The following NFIB variants were observed in gnomAD, a reference collection of about 807,000 sequenced individuals.
The protein encoded by NFIB is nuclear factor I B.
In NFIB, 11 loss-of-function variants were observed where a neutral mutation model predicts 61.5. That is an observed-to-expected ratio of 0.18 (90% CI 0.11 to 0.30). The LOEUF (loss-of-function observed/expected upper bound fraction) is 0.30, where lower values mean the gene tolerates loss of function less well. NFIB is among the 10% of genes least tolerant of loss of function. NFIB has a pLI of 1.00. For synonymous variants in NFIB, 260 were observed against 216.5 expected (o/e 1.20, Z -1.76); for missense variants, 471 against 608.9 (o/e 0.77, Z 2.38).
At chr9:14,235,865 T>A (rs1048939667) in intron 2 of NFIB, among the ~76,000 whole-genome samples, 2 of 152,138 alleles carry the variant, frequency 1.3e-5, no homozygotes, top group African/African-American at 4.8e-5. Flanking sequence ...GGCTTGAACT[T>A]TAACTATGAA....
Position 14,155,583 on chromosome 9 carries a change from C to T in NFIB, c.685+242G>A, listed in dbSNP as rs553088727. Among the ~76,000 whole-genome samples, 3 of 152,072 alleles carry T rather than the reference C, an allele frequency of 2.0e-5. No individual in the cohort carries two copies. In the East Asian group the frequency reaches 5.8e-4, roughly 29 times the overall value. On this transcript the variant is annotated intron_variant, in intron 4 of 10. Transcript: ENST00000380953. ...CAGAGAACAGTGAATTAAATGAATA[C>T]CAATAACATGGCAATCAGAAAAACC... is the stretch of plus-strand genomic sequence containing the variant.
chr9:14,397,527 A>AT (rs139804669), intron 1 of NFIB, among the ~76,000 whole-genome samples: 3,525 of 152,276 alleles, frequency 0.023, 111 homozygotes, highest in African/African-American at 0.08. Context: ...GTATCCCTTT[A>AT]TCCCCCCCAA....
intron 10 of NFIB, among the ~76,000 whole-genome samples, chr9:14,097,345 A>C (rs578220092): frequency 6.6e-6 from 1 of 152,262 alleles, no homozygotes; most frequent in Admixed American, 6.5e-5. Flanking sequence ...TGGTGTATAA[A>C]AAGTTGAGGA....
At chr9:14,099,549 G>A (rs2035401916) in intron 10 of NFIB, among the ~76,000 whole-genome samples, 1 of 152,156 alleles carries the variant, frequency 6.6e-6, no homozygotes, top group South Asian at 2.1e-4. Flanking sequence ...TATGAACTCT[G>A]TTGTGTCCAT....
chr9:14,188,264 G>C (rs1026990215), intron 2 of NFIB, among the ~76,000 whole-genome samples: 1 of 152,150 alleles, frequency 6.6e-6, no homozygotes, highest in Non-Finnish European at 1.5e-5. Context: ...TCCTTGCTTA[G>C]TTTTTAAACT....
At chr9:14,357,385 T>C (rs774183550) in intron 1 of NFIB, 1 of 152,282 alleles carries the variant, frequency 6.6e-6, no homozygotes, top group Non-Finnish European at 1.5e-5. Flanking sequence ...TGTGAGCCAG[T>C]TGTGGGCCAG....
chr9:14,287,597 T>A (rs1299753615), intron 2 of NFIB, among the ~76,000 whole-genome samples: 1 of 151,802 alleles, frequency 6.6e-6, no homozygotes, highest in African/African-American at 2.4e-5. Flanking sequence ...TAATTTTTTG[T>A]ATTTTTTAGT....
At chr9:14,115,620 T>TA (rs1357683375) in intron 9 of NFIB, among the ~76,000 whole-genome samples, 251 of 151,468 alleles carry the variant, frequency 1.7e-3, no homozygotes, top group African/African-American at 5.0e-3. Flanking sequence ...CAAAAGGTTT[T>TA]AAAAAAAAAG....
chr9:14,350,462 A>G (rs964899784), intron 1 of NFIB, among the ~76,000 whole-genome samples: 28 of 147,424 alleles, frequency 1.9e-4, no homozygotes, highest in South Asian at 2.3e-4. Context: ...CTCGCTGCAA[A>G]TCGCCACCCC....
At chr9:14,280,594 C>A (rs1053210182) in intron 2 of NFIB, among the ~76,000 whole-genome samples, 2 of 152,128 alleles carry the variant, frequency 1.3e-5, no homozygotes, top group Admixed American at 6.6e-5. Context: ...AAGAATAAGG[C>A]AATTCATTGA....
Position 14,313,477 on chromosome 9 carries a change from T to G in NFIB, c.30+5A>C. 2.5e-6 allele frequency: 4 copies of G among 1,613,358 alleles called. No homozygotes were observed. Among genetic ancestry groups the G allele is most frequent in the South Asian group, 1.1e-5 (1 of 90,992 alleles). On this transcript the variant is annotated splice_donor_5th_base_variant and intron_variant, in intron 1 of 10. Transcript: ENST00000380953. This position sits in a 1 kb window ranked among gnomAD's most constrained non-coding sequence, Gnocchi z 4.5. Reference sequence around the variant, plus strand: ...AAAGCTCGAGAAAGCGACCGAGACATGTACCTGAGTGAGACAGATGGGAGA... The same window carrying G: ...AAAGCTCGAGAAAGCGACCGAGACAGGTACCTGAGTGAGACAGATGGGAGA...
At chr9:14,351,611 A>G (rs1273105367) in intron 1 of NFIB, among the ~76,000 whole-genome samples, 1 of 152,214 alleles carries the variant, frequency 6.6e-6, no homozygotes, top group Non-Finnish European at 1.5e-5. Flanking sequence ...CTTGCTTTAG[A>G]ACTTATTCAG....
At chr9:14,143,662 G>T (rs1392935221) in intron 6 of NFIB, among the ~76,000 whole-genome samples, 1 of 152,154 alleles carries the variant, frequency 6.6e-6, no homozygotes, top group Non-Finnish European at 1.5e-5. Flanking sequence ...GCAGGGCTTT[G>T]TAGGAGAAAA....
chr9:14,410,350 G>A, the NFIB span, among the ~76,000 whole-genome samples: 1 of 152,174 alleles, frequency 6.6e-6, no homozygotes, highest in Admixed American at 6.5e-5. Context: ...AGTTGTCTGA[G>A]TCCTACTGTT....
chr9:14,483,996 A>C, the NFIB span, among the ~76,000 whole-genome samples: 2 of 152,238 alleles, frequency 1.3e-5, no homozygotes, highest in African/African-American at 4.8e-5. Context: ...TTTCACACCA[A>C]CAGTTTATAT....
At chr9:14,187,004 C>CCT (rs1452924164) in intron 2 of NFIB, among the ~76,000 whole-genome samples, 54 of 75,284 alleles carry the variant, frequency 7.2e-4, no homozygotes, top group African/African-American at 1.7e-3. Context: ...ATTCTTCGCT[C>CCT]CTGTGTGTGT....
chr9:14,154,648 A>C (rs1037422761), intron 4 of NFIB, among the ~76,000 whole-genome samples: 1 of 152,172 alleles, frequency 6.6e-6, no homozygotes, highest in African/African-American at 2.4e-5. Context: ...CCATGTAAAA[A>C]GACCCATGAG....
At chr9:14,335,914 T>C (rs932345357) in intron 1 of NFIB, among the ~76,000 whole-genome samples, 2 of 152,248 alleles carry the variant, frequency 1.3e-5, no homozygotes, top group African/African-American at 4.8e-5. Flanking sequence ...TCCAACACCA[T>C]CTATTGAAAA....
upstream of NFIB, chr9:14,399,034 A>G (rs1424419959): frequency 4.6e-6 from 1 of 216,240 alleles, no homozygotes; most frequent in Non-Finnish European, 9.3e-6. Flanking sequence ...TGTGGCTTGC[A>G]TGAATTGAGA....
Sources: gnomAD v4.1 joint callset for allele counts (sites outside exome capture counted in the v4.1 genomes callset) on GRCh38, gnomAD v4.1.1 for gene constraint, Gnocchi (gnomAD v3.1) non-coding constraint, MANE v1.5 for transcripts, NCBI Gene and HGNC (gene_info 2026-07-23, HGNC 2026-07-21) for gene names.